The following PTPRM variants were observed in gnomAD, a reference collection of about 807,000 sequenced individuals.
PTPRM encodes the protein protein tyrosine phosphatase receptor type M.
PTPRM carries 47 observed loss-of-function variants against 186.7 expected under a neutral mutation model. That is an observed-to-expected ratio of 0.25 (90% confidence interval 0.20 to 0.32). The LOEUF is 0.32. Among genes scored for constraint, PTPRM ranks in the 10% least tolerant of loss-of-function variants. The pLI is 1.00. For missense variants in PTPRM, 1,494 were observed against 1,865.0 expected (o/e 0.80, Z 3.66); for synonymous variants, 668 against 674.9 (o/e 0.99, Z 0.16).
chr18:8,337,862 G>T (rs192281783), intron 22 of PTPRM, among the ~76,000 whole-genome samples: 3 of 152,192 alleles, frequency 2.0e-5, no homozygotes, highest in Non-Finnish European at 4.4e-5. Context: ...GTGTGGGACC[G>T]CATTTGCCTT....
At chr18:7,591,752 A>G (rs1398601434) in intron 1 of PTPRM, among the ~76,000 whole-genome samples, 1 of 152,228 alleles carries the variant, frequency 6.6e-6, no homozygotes, top group East Asian at 1.9e-4. Flanking sequence ...AATATAATTG[A>G]ACCGTGTTTA....
chr18:7,847,784 G>A (rs1469944437), intron 2 of PTPRM, among the ~76,000 whole-genome samples: 2 of 152,154 alleles, frequency 1.3e-5, no homozygotes, highest in Non-Finnish European at 2.9e-5. Flanking sequence ...CCCAAATGAT[G>A]TATTCACTGT....
intron 2 of PTPRM, among the ~76,000 whole-genome samples, chr18:7,855,258 C>T (rs922568347): frequency 6.6e-6 from 1 of 152,140 alleles, no homozygotes; most frequent in Non-Finnish European, 1.5e-5. Context: ...GTATTCCAGA[C>T]ATTATGTGAC....
Position 7,863,978 on chromosome 18 carries a change from G to T in PTPRM, c.197-24128G>T, listed in dbSNP as rs147848692. On this transcript the variant is annotated intron_variant, in intron 2 of 32. Transcript: ENST00000580170. The stretch of plus-strand genomic sequence containing the variant: ...GTGATGAGCCTTTTTTCATTTGTCT[G>T]TTGGCTGCATAAATGTCTTCTTTTG... Among the ~76,000 whole-genome samples the T allele has an allele frequency of 7.7e-3, 1,167 of 152,236 alleles. 16 individuals are homozygous for T. Among genetic ancestry groups the T allele is most frequent in the African/African-American group, 0.027 (1,106 of 41,562 alleles).
At chr18:7,754,423 A>G (rs1280216147) in intron 1 of PTPRM, among the ~76,000 whole-genome samples, 1 of 152,208 alleles carries the variant, frequency 6.6e-6, no homozygotes, top group Non-Finnish European at 1.5e-5. Flanking sequence ...AAATAGCTGA[A>G]CAGTGAGTAT....
intron 22 of PTPRM, among the ~76,000 whole-genome samples, chr18:8,335,926 C>A (rs1405030913): frequency 2.0e-5 from 3 of 152,052 alleles, no homozygotes; most frequent in Non-Finnish European, 4.4e-5. Flanking sequence ...GGAGGTTGAG[C>A]CAGGAGAATC....
At chr18:7,783,401 G>A (rs1382483407) in intron 2 of PTPRM, among the ~76,000 whole-genome samples, 2 of 152,110 alleles carry the variant, frequency 1.3e-5, no homozygotes, top group East Asian at 3.9e-4. Context: ...GTTTTGAGGT[G>A]ACACTCATGG....
rs148203406 is a variant in PTPRM at position 7,989,872 on chromosome 18, G to A, written c.1132+34458G>A. 8.5e-3 allele frequency among the ~76,000 whole-genome samples: 1,289 copies of A among 152,052 alleles called. 21 individuals carry two copies. Among genetic ancestry groups the A allele is most frequent in the African/African-American group, 0.029 (1,193 of 41,468 alleles). ...CTCTTCAAAGCTTTCTCTTTTCTCA[G>A]GATGATGTTTTTGCCTGACATTTTC... On this transcript the variant is annotated intron_variant, in intron 7 of 32. Transcript: ENST00000580170.
intron 14 of PTPRM, among the ~76,000 whole-genome samples, chr18:8,176,629 T>A (rs2093486575): frequency 6.6e-6 from 1 of 152,196 alleles, no homozygotes; most frequent in Admixed American, 6.5e-5. Context: ...CAATTTATGA[T>A]GTATTTTGAT....
chr18:8,240,460 A>AGG (rs1245121378), intron 14 of PTPRM, among the ~76,000 whole-genome samples: 83 of 65,826 alleles, frequency 1.3e-3, no homozygotes, highest in Non-Finnish European at 1.8e-3. Flanking sequence ...AGAGAGAGAG[A>AGG]GAGAGGGAGG....
At chr18:7,675,406 G>GAACAC (rs1170172117) in intron 1 of PTPRM, among the ~76,000 whole-genome samples, 1 of 152,070 alleles carries the variant, frequency 6.6e-6, no homozygotes, top group African/African-American at 2.4e-5. Flanking sequence ...TTGTTCCAGA[G>GAACAC]CACACCACAT....
In PTPRM at chr18:7,676,699, G is replaced by A. The variant is rs562855913; in HGVS notation, c.74-97450G>A. Among the ~76,000 whole-genome samples, 36 of 151,746 alleles carry A rather than the reference G, an allele frequency of 2.4e-4. 1 individual carries two copies. The highest frequency in any genetic ancestry group is 7.3e-4 in the African/African-American group (30 of 41,368). ...TGTGTGTGTGTGTGTGCGCGTGCAC[G>A]CGCACGCGCATGGATTAGGTGTTAG... On this transcript the variant is annotated intron_variant, in intron 1 of 32. Transcript: ENST00000580170.
chr18:8,163,948 A>G (rs1449580626), intron 14 of PTPRM, among the ~76,000 whole-genome samples: 1 of 152,222 alleles, frequency 6.6e-6, no homozygotes, highest in African/African-American at 2.4e-5. Context: ...TCTCTTTCAG[A>G]TGTTATACTG....
chr18:7,930,823 A>G (rs2051442344), intron 5 of PTPRM, among the ~76,000 whole-genome samples: 1 of 152,112 alleles, frequency 6.6e-6, no homozygotes, highest in African/African-American at 2.4e-5. Context: ...AGAGTCTTTC[A>G]CAATAACGTA....
intron 2 of PTPRM, among the ~76,000 whole-genome samples, chr18:7,810,534 G>A (rs1043536283): frequency 6.6e-6 from 1 of 152,098 alleles, no homozygotes; most frequent in Non-Finnish European, 1.5e-5. Context: ...GATTCATAAA[G>A]CATTAGAGTT....
chr18:8,269,981 T>C (rs965779682), intron 19 of PTPRM: 5 of 151,932 alleles, frequency 3.3e-5, no homozygotes, highest in Admixed American at 2.6e-4. Context: ...GCAATGTTTT[T>C]TTCTTTGTTT....
intron 5 of PTPRM, among the ~76,000 whole-genome samples, chr18:7,943,631 C>T (rs1202206164): frequency 6.6e-6 from 1 of 152,134 alleles, no homozygotes; most frequent in Non-Finnish European, 1.5e-5. Flanking sequence ...GTTGGTTCCT[C>T]CCAAAAGCTC....
intron 7 of PTPRM, among the ~76,000 whole-genome samples, chr18:7,984,088 T>G (rs1277017632): frequency 6.6e-6 from 1 of 152,096 alleles, no homozygotes; most frequent in African/African-American, 2.4e-5. Flanking sequence ...AGTCTCCAAA[T>G]AAGGTCAAGA....
chr18:7,813,123 G>A (rs905195156), intron 2 of PTPRM, among the ~76,000 whole-genome samples: 3 of 152,170 alleles, frequency 2.0e-5, no homozygotes, highest in Non-Finnish European at 2.9e-5. Context: ...CTCTTGTTCT[G>A]TAAGAGACAA....
Sources: allele counts gnomAD v4.1 joint callset (sites outside exome capture counted in the v4.1 genomes callset), GRCh38; gene constraint gnomAD v4.1.1; transcripts MANE v1.5; gene names NCBI Gene and HGNC (gene_info 2026-07-23, HGNC 2026-07-21).